CADM2: variants seen among roughly 807,000 people sequenced by gnomAD.
CADM2 encodes immunoglobulin superfamily member 4D.
CADM2 carries 12 observed loss-of-function variants against 49.8 expected under a neutral mutation model. The ratio of observed to expected loss-of-function variants is 0.24; its 90% confidence interval spans 0.15 to 0.39. The LOEUF is 0.39. Ranked by LOEUF, CADM2 falls within the 10% of genes least tolerant of loss-of-function variation. CADM2 has a pLI of 1.00. For missense variants in CADM2, 378 were observed against 492.3 expected, an observed-to-expected ratio of 0.77 and a Z score of 2.20; for synonymous variants, 214 against 175.4, an observed-to-expected ratio of 1.22 and a Z score of -1.74.
intron 8 of CADM2, among the ~76,000 whole-genome samples, chr3:85,998,085 G>C (rs35242846): frequency 0.3 from 46,270 of 151,856 alleles, 8,319 homozygotes; most frequent in Admixed American, 0.39. Context: ...ATTTAAGAGA[G>C]GATTTTTAAT....
At chr3:85,526,911 T>C (rs2061170064) in intron 1 of CADM2, among the ~76,000 whole-genome samples, 1 of 152,204 alleles carries the variant, frequency 6.6e-6, no homozygotes, top group Non-Finnish European at 1.5e-5. Flanking sequence ...AAGAATTTGT[T>C]TAGGATTTGA....
chr3:85,055,333 G>A (rs558210908), intron 1 of CADM2, among the ~76,000 whole-genome samples: 1 of 152,056 alleles, frequency 6.6e-6, no homozygotes, highest in East Asian at 1.9e-4. Context: ...TTATTCCAGT[G>A]TAGTCCGTGG....
chr3:86,048,981 G>A (rs909686970), intron 8 of CADM2, among the ~76,000 whole-genome samples: 8 of 151,998 alleles, frequency 5.3e-5, no homozygotes, highest in East Asian at 3.9e-4. Context: ...AGTCTTTTCC[G>A]AAAAAAGGTA....
intron 8 of CADM2, among the ~76,000 whole-genome samples, chr3:85,973,514 C>T (rs918305039): frequency 1.3e-4 from 19 of 151,690 alleles, no homozygotes; most frequent in African/African-American, 3.9e-4. Context: ...AAAATGCAAG[C>T]AATATATGTT....
chr3:85,892,612 C>T (rs1028639887), intron 5 of CADM2, among the ~76,000 whole-genome samples: 7 of 152,300 alleles, frequency 4.6e-5, no homozygotes, highest in African/African-American at 1.7e-4. Flanking sequence ...TTTGCTCCTC[C>T]TTCACCTTCC....
At chr3:85,156,083 C>A (rs548624212) in intron 1 of CADM2, among the ~76,000 whole-genome samples, 65 of 152,210 alleles carry the variant, frequency 4.3e-4, no homozygotes, top group African/African-American at 1.5e-3. Context: ...CAAGAGCAAA[C>A]ACATTCAAAA....
chr3:85,276,864 G>T (rs1042922664), intron 1 of CADM2, among the ~76,000 whole-genome samples: 11 of 151,344 alleles, frequency 7.3e-5, no homozygotes, highest in Middle Eastern at 3.4e-3. Flanking sequence ...GGGGAATAAT[G>T]GGGCAGTATA....
intron 1 of CADM2, among the ~76,000 whole-genome samples, chr3:84,974,637 G>A (rs186604615): frequency 2.7e-3 from 413 of 151,962 alleles, no homozygotes; most frequent in African/African-American, 8.7e-3. Context: ...ATTAAGTAAG[G>A]CATAGCTTTG....
intron 8 of CADM2, among the ~76,000 whole-genome samples, chr3:86,047,522 T>G (rs2107298129): frequency 6.6e-6 from 1 of 152,300 alleles, no homozygotes; most frequent in African/African-American, 2.4e-5. Flanking sequence ...CTGGGTAGAA[T>G]TTACATCTAT....
intron 1 of CADM2, among the ~76,000 whole-genome samples, chr3:85,071,019 T>TAAATAAATAAATAAAC (rs1052439937): frequency 3.2e-4 from 48 of 149,768 alleles, no homozygotes; most frequent in African/African-American, 1.1e-3. Flanking sequence ...AATAAATAAA[T>TAAATAAATAAATAAAC]AAACAAATAA....
chr3:85,152,328 G>A (rs147630986), intron 1 of CADM2, among the ~76,000 whole-genome samples: 214 of 152,182 alleles, frequency 1.4e-3, no homozygotes, highest in South Asian at 3.7e-3. Context: ...AGGTGCCTTC[G>A]TTACAAGGAT....
intron 1 of CADM2, among the ~76,000 whole-genome samples, chr3:85,382,915 A>G: frequency 6.6e-6 from 1 of 152,182 alleles, no homozygotes; most frequent in Non-Finnish European, 1.5e-5. Context: ...CAAACTAAAT[A>G]TGGCCTGAGA....
intron 1 of CADM2, among the ~76,000 whole-genome samples, chr3:85,174,518 A>G (rs2107690822): frequency 6.7e-6 from 1 of 148,264 alleles, no homozygotes; most frequent in South Asian, 2.1e-4. Context: ...GTATATATAA[A>G]TATATATATA....
chr3:85,701,907 A>AGATAGATG (rs1553667108), intron 1 of CADM2, among the ~76,000 whole-genome samples: 1 of 143,568 alleles, frequency 7.0e-6, no homozygotes, highest in East Asian at 2.0e-4. Flanking sequence ...ATAGATAGAT[A>AGATAGATG]GATATAAAGA....
chr3:85,867,300 A>G (rs899774354), intron 3 of CADM2, among the ~76,000 whole-genome samples: 3 of 152,060 alleles, frequency 2.0e-5, no homozygotes, highest in Admixed American at 6.5e-5. Context: ...TGTCACCATC[A>G]CAGACAAAAC....
chr3:85,082,787 C>T (rs1484560577), intron 1 of CADM2, among the ~76,000 whole-genome samples: 1 of 152,058 alleles, frequency 6.6e-6, no homozygotes, highest in Non-Finnish European at 1.5e-5. Context: ...AAAACATAAT[C>T]TGAAAGAACA....
At chr3:85,214,060 G>C (rs1266918786) in intron 1 of CADM2, among the ~76,000 whole-genome samples, 1 of 152,136 alleles carries the variant, frequency 6.6e-6, no homozygotes, top group Non-Finnish European at 1.5e-5. Context: ...TTGGTCACTA[G>C]TGTGTTATTT....
rs1009490428 is a variant in CADM2 at position 86,065,597 on chromosome 3, T to C, written c.971-8T>C. Reference sequence around the variant, plus strand: ...TTAAATAGAACAATATTTTCCTGTCTTTTCCAGATCCTAATGCTTTGGCTG... The same window carrying C: ...TTAAATAGAACAATATTTTCCTGTCCTTTCCAGATCCTAATGCTTTGGCTG... On this transcript the variant is annotated splice_region_variant and splice_polypyrimidine_tract_variant and intron_variant, in intron 8 of 9. Transcript: ENST00000383699. 5.3e-5 allele frequency: 85 copies of C among 1,608,608 alleles called. No individual in the cohort carries two copies. Among genetic ancestry groups the C allele is most frequent in the Non-Finnish European group, 6.1e-5 (72 of 1,178,358 alleles).
chr3:85,535,636 A>G (rs552083259), intron 1 of CADM2, among the ~76,000 whole-genome samples: 36 of 152,214 alleles, frequency 2.4e-4, no homozygotes, highest in African/African-American at 8.2e-4. Flanking sequence ...TGATAAGGAT[A>G]ATTATGTTGT....
Sources: gnomAD v4.1 joint callset for allele counts (sites outside exome capture counted in the v4.1 genomes callset) on GRCh38, gnomAD v4.1.1 for gene constraint, MANE v1.5 for transcripts, NCBI Gene and HGNC (gene_info 2026-07-23, HGNC 2026-07-21) for gene names.